The following CA5A variants were observed in gnomAD, a reference collection of about 807,000 sequenced individuals.
CA5A encodes carbonic anhydrase 5A, also known as carbonic anhydrase 5A, mitochondrial.
CA5A carries 28 observed loss-of-function variants against 37.1 expected under a neutral mutation model. That is an observed-to-expected ratio of 0.75 (90% CI 0.56 to 1.03). The LOEUF is 1.03. Ranked by LOEUF, CA5A falls within the 50% of genes least tolerant of loss-of-function variation. The probability of loss-of-function intolerance (pLI) is 0.00; values close to 1 mark genes in which losing one functional copy is unlikely to be tolerated. For synonymous variants in CA5A, 171 were observed against 158.4 expected, an observed-to-expected ratio of 1.08 and a Z score of -0.60; for missense variants, 444 against 399.9, an observed-to-expected ratio of 1.11 and a Z score of -0.94.
At chr16:87,893,190 C>A in intron 5 of CA5A, 2 of 405,730 alleles carry the variant, frequency 4.9e-6, no homozygotes, top group Middle Eastern at 7.3e-4. Flanking sequence ...TGCAGTGGTG[C>A]GATCTCAGCT....
At chr16:87,924,663 G>A (rs1197680174) in intron 2 of CA5A, among the ~76,000 whole-genome samples, 1 of 152,266 alleles carries the variant, frequency 6.6e-6, no homozygotes, top group Non-Finnish European at 1.5e-5. Flanking sequence ...GACGCAGCTG[G>A]GCAGACCTCC....
intron 4 of CA5A, chr16:87,882,211 T>C (rs1418647407): frequency 6.6e-6 from 1 of 152,218 alleles, no homozygotes; most frequent in Non-Finnish European, 1.5e-5. Context: ...CGGGCTGTTC[T>C]CAGAGCGCTG....
chr16:87,932,597 A>G (rs1051593086), intron 1 of CA5A, among the ~76,000 whole-genome samples: 2 of 152,178 alleles, frequency 1.3e-5, no homozygotes, highest in Non-Finnish European at 2.9e-5. Context: ...GAGGCAATAC[A>G]AATGTTATCC....
At chr16:87,917,831 GCA>G (rs771273845) in intron 2 of CA5A, among the ~76,000 whole-genome samples, 5 of 144,896 alleles carry the variant, frequency 3.5e-5, no homozygotes, top group Non-Finnish European at 7.6e-5. Flanking sequence ...GAACACACAT[GCA>G]CACACACGTG....
At chr16:87,935,028 G>A (rs1450238990) in intron 1 of CA5A, among the ~76,000 whole-genome samples, 3 of 152,220 alleles carry the variant, frequency 2.0e-5, no homozygotes, top group Non-Finnish European at 4.4e-5. Flanking sequence ...TCCTTCCATG[G>A]CCCTGGAGAG....
chr16:87,921,881 T>TTG, intron 2 of CA5A, among the ~76,000 whole-genome samples: 1 of 151,398 alleles, frequency 6.6e-6, no homozygotes, highest in East Asian at 1.9e-4. Flanking sequence ...TATTATTATT[T>TTG]TTGAGAGACA....
chr16:87,924,340 C>G (rs949375214), intron 2 of CA5A: 2 of 981,134 alleles, frequency 2.0e-6, no homozygotes, highest in Middle Eastern at 5.2e-4. Flanking sequence ...TTCTCACCTT[C>G]GAAAGGAGAG....
At chr16:87,892,965 G>C (rs898042965) in intron 5 of CA5A, 7 of 1,006,736 alleles carry the variant, frequency 7.0e-6, no homozygotes, top group Non-Finnish European at 1.1e-5. Context: ...CCTTTTTAAG[G>C]AGGGAGTCAT....
chr16:87,899,025 A>G (rs186353265), intron 5 of CA5A, among the ~76,000 whole-genome samples: 6 of 152,172 alleles, frequency 3.9e-5, no homozygotes, highest in Non-Finnish European at 5.9e-5. Flanking sequence ...GTGAGCCACC[A>G]TACCTGGGCT....
intron 5 of CA5A, among the ~76,000 whole-genome samples, chr16:87,899,550 G>A (rs1460591584): frequency 1.3e-5 from 2 of 150,554 alleles, no homozygotes; most frequent in Non-Finnish European, 3.0e-5. Context: ...TGATAAGCCC[G>A]CCTTGGCCTC....
chr16:87,936,087 G>T (rs1037553946), intron 1 of CA5A, among the ~76,000 whole-genome samples: 6 of 150,668 alleles, frequency 4.0e-5, no homozygotes, highest in African/African-American at 1.2e-4. Flanking sequence ...CAGGAGAATC[G>T]CTTGAACCCG....
At chr16:87,896,730 G>T (rs556251606) in intron 5 of CA5A, among the ~76,000 whole-genome samples, 21 of 152,236 alleles carry the variant, frequency 1.4e-4, no homozygotes, top group African/African-American at 5.1e-4. Context: ...AACCTCCACC[G>T]CCCAGGTTCA....
chr16:87,893,417 A>G (rs142225970), intron 5 of CA5A: 9,732 of 494,354 alleles, frequency 0.02, 128 homozygotes, highest in African/African-American at 0.037. Context: ...GTGAGCCACC[A>G]CGCCCGGCTT....
At chr16:87,893,529 C>T in intron 5 of CA5A, 1 of 568,404 alleles carries the variant, frequency 1.8e-6, no homozygotes, top group Non-Finnish European at 3.4e-6. Flanking sequence ...CCCTATGCTG[C>T]AGCCGTCCAG....
intron 5 of CA5A, among the ~76,000 whole-genome samples, chr16:87,901,204 T>C (rs1366740532): frequency 2.0e-5 from 3 of 152,124 alleles, no homozygotes; most frequent in African/African-American, 7.2e-5. Flanking sequence ...CATTCCAGCC[T>C]GAGTGACAGA....
chr16:87,933,967 G>C (rs1482739118), intron 1 of CA5A, among the ~76,000 whole-genome samples: 2 of 152,156 alleles, frequency 1.3e-5, no homozygotes, highest in Admixed American at 6.6e-5. Flanking sequence ...AATGGATTTA[G>C]GTGCCGATAC....
chr16:87,922,749 T>C (rs925563855), intron 2 of CA5A, among the ~76,000 whole-genome samples: 2 of 152,228 alleles, frequency 1.3e-5, no homozygotes, highest in Non-Finnish European at 2.9e-5. Context: ...GGTGCTTCCT[T>C]CTCTGCATGG....
intron 5 of CA5A, chr16:87,893,815 C>T (rs1331415155): frequency 2.9e-6 from 1 of 342,650 alleles, no homozygotes. Flanking sequence ...CTTTGTCACC[C>T]AGGCAGGAGT....
chr16:87,936,212 T>C (rs2056468780), intron 1 of CA5A, 97 bp downstream of exon 1: 1 of 624,432 alleles, frequency 1.6e-6, no homozygotes, highest in Non-Finnish European at 2.8e-6. Flanking sequence ...TCTGAACCCA[T>C]CTGGCTCGGG....
Sources: gnomAD v4.1 joint callset for allele counts (sites outside exome capture counted in the v4.1 genomes callset) on GRCh38, gnomAD v4.1.1 for gene constraint, MANE v1.5 for transcripts, NCBI Gene and HGNC (gene_info 2026-07-23, HGNC 2026-07-21) for gene names.